Variants in WDR20 observed in about 807,000 individuals in gnomAD.
WDR20 encodes the protein WD repeat domain 20, also known as WD repeat-containing protein 20.
In WDR20, 3 loss-of-function variants were observed where a neutral mutation model predicts 38.7. That is an observed-to-expected ratio of 0.08 (90% CI 0.04 to 0.20). The LOEUF (loss-of-function observed/expected upper bound fraction) is 0.20. Among genes scored for constraint, WDR20 ranks in the 10% least tolerant of loss-of-function variants. The probability of loss-of-function intolerance (pLI) is 1.00; values close to 1 mark genes in which losing one functional copy is unlikely to be tolerated. For synonymous variants in WDR20, 298 were observed against 285.6 expected (o/e 1.04, Z -0.44); for missense variants, 559 against 727.7 (o/e 0.77, Z 2.67).
intron 2 of WDR20, among the ~76,000 whole-genome samples, chr14:102,196,176 G>T (rs1183626007): frequency 6.6e-6 from 1 of 152,122 alleles, no homozygotes; most frequent in Non-Finnish European, 1.5e-5. Context: ...TATCCACCCA[G>T]GGTGCTCCTG....
At chr14:102,192,618 C>A (rs938850257) in intron 1 of WDR20, among the ~76,000 whole-genome samples, 7 of 152,128 alleles carry the variant, frequency 4.6e-5, no homozygotes, top group Non-Finnish European at 2.9e-5. Flanking sequence ...TGAGGGGTCC[C>A]TAAGTCTAAC....
intron 1 of WDR20, among the ~76,000 whole-genome samples, chr14:102,190,190 G>A (rs2065970020): frequency 1.3e-5 from 2 of 152,190 alleles, no homozygotes; most frequent in Admixed American, 1.3e-4. Flanking sequence ...GGATACATTA[G>A]TACCAGCTTT....
chr14:102,215,458 C>CT (rs952784205), downstream of WDR20, among the ~76,000 whole-genome samples: 5 of 151,970 alleles, frequency 3.3e-5, no homozygotes, highest in South Asian at 2.1e-4. Context: ...AGGCTGCTTG[C>CT]TTTTTTTTAT....
intron 1 of WDR20, among the ~76,000 whole-genome samples, chr14:102,182,439 G>C (rs1239161077): frequency 6.6e-6 from 1 of 152,196 alleles, no homozygotes; most frequent in Non-Finnish European, 1.5e-5. Flanking sequence ...AGAAAGATGA[G>C]TAATAGACTC....
intron 1 of WDR20, among the ~76,000 whole-genome samples, chr14:102,162,425 A>G (rs563447542): frequency 1.3e-5 from 2 of 152,306 alleles, no homozygotes; most frequent in African/African-American, 4.8e-5. Flanking sequence ...GGAAGAAACC[A>G]TATCTTATTG....
At chr14:102,153,592 C>T (rs2056645480) in intron 1 of WDR20, among the ~76,000 whole-genome samples, 1 of 152,270 alleles carries the variant, frequency 6.6e-6, no homozygotes, top group African/African-American at 2.4e-5. Flanking sequence ...AGGCGTGAGC[C>T]ACCGCGCCCG....
chr14:102,203,255 A>G (rs2060839453), intron 2 of WDR20, among the ~76,000 whole-genome samples: 2 of 152,246 alleles, frequency 1.3e-5, no homozygotes, highest in South Asian at 4.1e-4. Context: ...TTACCACATT[A>G]AAATAGTAAA....
intron 2 of WDR20, among the ~76,000 whole-genome samples, chr14:102,205,731 A>G (rs1435500065): frequency 2.6e-5 from 4 of 151,836 alleles, no homozygotes; most frequent in Non-Finnish European, 5.9e-5. Context: ...TGTCAAGCAC[A>G]TGATTGACAG....
chr14:102,214,985 CGT>C, downstream of WDR20: 1 of 984,526 alleles, frequency 1.0e-6, no homozygotes, highest in South Asian at 4.7e-5. Flanking sequence ...ATTAAATAAA[CGT>C]GTGTGAGTGA....
intron 1 of WDR20, among the ~76,000 whole-genome samples, chr14:102,190,466 G>A (rs574234967): frequency 3.9e-5 from 6 of 152,058 alleles, no homozygotes; most frequent in Admixed American, 2.6e-4. Context: ...GGTGGCAGGC[G>A]CCTTTAATCC....
rs544725774 is a variant in WDR20, at chr14:102,221,581, A to G, written c.1693-1249A>G. On this transcript the variant is annotated intron_variant, in intron 3 of 3. Coordinates refer to the WDR20 transcript ENST00000335263. This position sits in a 1 kb window ranked among gnomAD's most constrained non-coding sequence, Gnocchi z 4.8. ...GGGGTCCCAGAGGAAAAGCACTCCTATAGACTCTGAGCAGGGGCAGCTGCC... is the reference window on the plus strand; with the variant it reads ...GGGGTCCCAGAGGAAAAGCACTCCTGTAGACTCTGAGCAGGGGCAGCTGCC... Among the ~76,000 whole-genome samples the G allele has an allele frequency of 2.0e-5, 3 of 152,298 alleles. No individual in the cohort carries two copies. The highest frequency in any genetic ancestry group is 7.2e-5 in the African/African-American group (3 of 41,576).
In WDR20 at chr14:102,210,204, T is replaced by G. The variant is rs773189848; in HGVS notation, c.*324T>G. 1 of 1,047,996 alleles carries G rather than the reference T, an allele frequency of 9.5e-7. No individual in the cohort carries two copies. The highest frequency in any genetic ancestry group is 4.9e-5 in the Admixed American group (1 of 20,304). 64.9% of individuals were successfully genotyped at this position (1,047,996 alleles called of 1,614,324 possible). The stretch of plus-strand genomic sequence containing the variant: ...TGACCATGTGGGGAAACAATGACTT[T>G]AAAATGCTGAAATTAAAATTTATGC... On this transcript the variant is annotated 3_prime_UTR_variant, in exon 3 of 3. Transcript: ENST00000342702.
intron 1 of WDR20, among the ~76,000 whole-genome samples, chr14:102,193,237 T>TAGG: frequency 6.6e-6 from 1 of 152,120 alleles, no homozygotes; most frequent in Non-Finnish European, 1.5e-5. Context: ...GCTCAGAAGC[T>TAGG]GCCTTCCTCA....
At chr14:102,146,732 A>C (rs547407425) in intron 1 of WDR20, among the ~76,000 whole-genome samples, 1 of 151,974 alleles carries the variant, frequency 6.6e-6, no homozygotes, top group Non-Finnish European at 1.5e-5. Context: ...TTTCCCCCCC[A>C]CAGACTTGTT....
At chr14:102,168,267 A>AT (rs1220366512) in intron 1 of WDR20, among the ~76,000 whole-genome samples, 1 of 152,156 alleles carries the variant, frequency 6.6e-6, no homozygotes, top group Non-Finnish European at 1.5e-5. Context: ...CTGTGTGGGA[A>AT]TTTTTTCTTA....
intron 1 of WDR20, among the ~76,000 whole-genome samples, chr14:102,161,142 A>ATATATATATATATATATATATTT (rs1342924049): frequency 1.2e-4 from 2 of 16,046 alleles, no homozygotes; most frequent in Non-Finnish European, 1.9e-4. Context: ...ATATATATAT[A>ATATATATATATATATATATATTT]TTTTTTTTTT....
rs575131142 is a variant in WDR20 at position 102,150,635 on chromosome 14, G to C, written c.249+10463G>C. Among the ~76,000 whole-genome samples, 7 of 152,188 alleles carry C rather than the reference G, an allele frequency of 4.6e-5. No homozygotes were observed. The South Asian group carries it at 1.5e-3, about 32-fold the overall frequency. On this transcript the variant is annotated intron_variant, in intron 1 of 2. Coordinates refer to ENST00000342702, the MANE Select transcript of WDR20 (RefSeq NM_144574.4). ...TTCTGCTACAGTAAAACTTGTACAG[G>C]TGCTCATTCTCTTTACTTACTTGGA...
In WDR20 at chr14:102,148,581, T is replaced by C. The variant is rs74245767; in HGVS notation, c.249+8409T>C. ...TCATAATCCTCATTCATCAAGCATT[T>C]ATTGATGACTGGTATATACAAGGCA... On this transcript the variant is annotated intron_variant, in intron 1 of 2. Coordinates refer to ENST00000342702, the MANE Select transcript of WDR20 (RefSeq NM_144574.4). 3.8e-3 allele frequency among the ~76,000 whole-genome samples: 579 copies of C among 151,994 alleles called. 9 individuals are homozygous for C. In the East Asian group the frequency reaches 0.048, roughly 13 times the overall value.
At chr14:102,211,059 G>C (rs1016627276), downstream of WDR20, among the ~76,000 whole-genome samples, 25 of 152,282 alleles carry the variant, frequency 1.6e-4, no homozygotes, top group African/African-American at 6.0e-4. The surrounding 1 kb of genome is among the most constrained non-coding windows in gnomAD (Gnocchi z 4.2). Flanking sequence ...AGGCTCTGCT[G>C]CTCCCCCGGA....
Sources: allele counts gnomAD v4.1 joint callset (sites outside exome capture counted in the v4.1 genomes callset), GRCh38; gene constraint gnomAD v4.1.1; non-coding constraint Gnocchi (gnomAD v3.1); transcripts MANE v1.5; gene names NCBI Gene and HGNC (gene_info 2026-07-23, HGNC 2026-07-21).